CROCC: variants seen among roughly 807,000 people sequenced by gnomAD.
CROCC encodes ciliary rootlet coiled-coil, rootletin.
In CROCC, 180 loss-of-function variants were observed where a neutral mutation model predicts 245.2. That is an observed-to-expected ratio of 0.73 (90% CI 0.65 to 0.83). The LOEUF (loss-of-function observed/expected upper bound fraction) is 0.83, where lower values mean the gene tolerates loss of function less well. Ranked by LOEUF, CROCC falls within the 40% of genes least tolerant of loss-of-function variation. The pLI, the probability that CROCC is intolerant of heterozygous loss-of-function variation, is 0.00. For synonymous variants in CROCC, 1,205 were observed against 1,241.6 expected, an observed-to-expected ratio of 0.97 and a Z score of 0.62; for missense variants, 2,688 against 2,779.4, an observed-to-expected ratio of 0.97 and a Z score of 0.74.
At chr1:16,948,639 C>G (rs1284799643) in intron 18 of CROCC, 115 bp downstream of exon 18, 1 of 1,491,520 alleles carries the variant, frequency 6.7e-7, no homozygotes, top group Non-Finnish European at 8.9e-7. Context: ...TCTGGCTTGC[C>G]GACTCGTCCT....
upstream of CROCC, among the ~76,000 whole-genome samples, chr1:16,920,665 C>T (rs182880144): frequency 2.6e-3 from 400 of 152,216 alleles, 3 homozygotes; most frequent in African/African-American, 9.2e-3. Context: ...CACATAGCCT[C>T]CTTGCCCCAG....
intron 14 of CROCC, among the ~76,000 whole-genome samples, chr1:16,944,942 C>A (rs1212107780): frequency 6.6e-6 from 1 of 152,260 alleles, no homozygotes; most frequent in Non-Finnish European, 1.5e-5. Context: ...AGTTTGTATC[C>A]TTAAAACAGG....
chr1:16,931,265 C>T, intron 7 of CROCC, 26 bp from the exon 8 acceptor site: 2 of 1,592,342 alleles, frequency 1.3e-6, no homozygotes, highest in Non-Finnish European at 8.6e-7. Flanking sequence ...CACACCAACC[C>T]TTCCCTCGGC....
intron 13 of CROCC, 85 bp downstream of exon 13, chr1:16,940,178 C>T: frequency 4.3e-6 from 6 of 1,396,018 alleles, no homozygotes; most frequent in South Asian, 1.3e-5. Flanking sequence ...GCGTATGGCT[C>T]TGCACTAATA....
intron 26 of CROCC, 123 bp downstream of exon 26, chr1:16,958,873 T>C: frequency 8.2e-6 from 9 of 1,102,876 alleles, no homozygotes; most frequent in Non-Finnish European, 1.2e-5. Flanking sequence ...CCCCCACTCC[T>C]TGAGACTCTT....
Position 16,971,562 on chromosome 1 carries a change from TGCGCAGCGCCCAG to T in CROCC, c.5889_5901del (p.Ser1963ArgfsTer27), listed in dbSNP as rs1275720433. 2.6e-6 allele frequency: 4 copies of T among 1,536,350 alleles called. No individual in the cohort carries two copies. In the African/African-American group the frequency reaches 5.5e-5, roughly 21 times the overall value. On this transcript the variant is annotated frameshift_variant, in exon 36 of 37. Coordinates refer to ENST00000375541, the MANE Select transcript of CROCC (RefSeq NM_014675.5). LOFTEE classifies it high-confidence loss of function. ...GAGCTGCAGCAGGAGGTGGAGCGGC[TGCGCAGCGCCCAG>T]GCGCAGACTGAGCGCACCCTGGAGG...
At position 16,960,918 on chromosome 1, in the gene CROCC, C is replaced by G; in HGVS notation, c.4193C>G (p.Ala1398Gly). ...ELKLEAARAE[A>G]AELGLRLSAA... ...AAGCTGGAGGCGGCGCGGGCCGAGG[C>G]TGCAGAGCTGGGCCTGCGGCTGAGC... Residue 1398 changes from alanine to glycine, a missense_variant, in exon 27 of 37, where the codon GCT (alanine) becomes GGT (glycine). Transcript: ENST00000375541. 3.3e-6 allele frequency: 5 copies of G among 1,498,734 alleles called. No individual in the cohort carries two copies. Among genetic ancestry groups the G allele is most frequent in the Non-Finnish European group, 4.4e-6 (5 of 1,131,604 alleles). 92.8% of individuals were successfully genotyped at this position (1,498,734 alleles called of 1,614,324 possible). A position where few individuals can be genotyped will look rare whatever the true frequency, so the allele number is the denominator to read the frequency against.
At chr1:16,964,833 C>G (rs1249345854) in intron 27 of CROCC, among the ~76,000 whole-genome samples, 1 of 152,248 alleles carries the variant, frequency 6.6e-6, no homozygotes, top group Non-Finnish European at 1.5e-5. Context: ...CAGGTGCATG[C>G]CACCACGCCC....
intron 3 of CROCC, among the ~76,000 whole-genome samples, chr1:16,928,686 C>G (rs181688198): frequency 0.063 from 9,319 of 149,086 alleles, no homozygotes; most frequent in African/African-American, 0.067. Context: ...ACCTGTAGTC[C>G]CAGCTACTTG....
upstream of CROCC, among the ~76,000 whole-genome samples, chr1:16,917,118 AAAAAC>A (rs1170479545): frequency 3.3e-5 from 5 of 152,296 alleles, no homozygotes; most frequent in African/African-American, 1.2e-4. Flanking sequence ...ACTCCATCTC[AAAAAC>A]AAAACAAAAC....
chr1:16,932,256 C>T (rs1378876941), intron 8 of CROCC, among the ~76,000 whole-genome samples: 1 of 152,244 alleles, frequency 6.6e-6, no homozygotes, highest in Admixed American at 6.5e-5. Context: ...CCAGCCTCAA[C>T]ATGGAGAAAC....
intron 21 of CROCC, 52 bp downstream of exon 21, chr1:16,953,533 G>A: frequency 6.6e-7 from 1 of 1,508,754 alleles, no homozygotes; most frequent in Non-Finnish European, 8.9e-7. Flanking sequence ...CTCCAGTTCT[G>A]GGGCCGGGCC....
In CROCC at chr1:16,944,181, G is replaced by A. The variant is rs1355932535; in HGVS notation, c.1890G>A (p.Gln630=). Reference sequence around the variant, plus strand: ...TGCGGCAGGAGCGGGAGAAGCTGCAGGCTGCCCAGGAGGAGCTGCGGCGCC... The same window carrying A: ...TGCGGCAGGAGCGGGAGAAGCTGCAAGCTGCCCAGGAGGAGCTGCGGCGCC... ...EELRQEREKL[Q]AAQEELRRQR... is the part of the protein sequence containing the mutation. The change falls in exon 14 of 37, where the codon CAG becomes CAA. Residue 630 remains glutamine (Q), a synonymous_variant. Transcript: ENST00000375541. 6.4e-7 allele frequency: 1 copy of A among 1,555,432 alleles called. No homozygotes were observed. The highest frequency in any genetic ancestry group is 8.7e-7 in the Non-Finnish European group (1 of 1,149,500).
At chr1:16,959,618 G>GAC (rs1452086140) in intron 26 of CROCC, among the ~76,000 whole-genome samples, 1 of 152,262 alleles carries the variant, frequency 6.6e-6, no homozygotes, top group African/African-American at 2.4e-5. Context: ...GTGACCGTGA[G>GAC]AGGTTGACTC....
intron 21 of CROCC, chr1:16,953,747 C>T (rs1422341761): frequency 4.4e-5 from 18 of 411,212 alleles, no homozygotes; most frequent in African/African-American, 2.8e-4. Flanking sequence ...TCCCATGCCT[C>T]GTCCCACCCC....
rs371067334 is a variant in CROCC, at chr1:16,930,456, C to A, written c.711C>A (p.Ala237=). ...QRSASLAQVN[A]MLREQLDQAG... The stretch of plus-strand genomic sequence containing the variant: ...GTGCCAGCCTGGCCCAGGTGAATGC[C>A]ATGCTCCGAGAACAGCTGGACCAGG... The change falls in exon 7 of 37, where the codon GCC becomes GCA. Residue 237 remains alanine (A), a synonymous_variant. Coordinates refer to ENST00000375541, the MANE Select transcript of CROCC (RefSeq NM_014675.5). 367 of 1,612,076 alleles carry A rather than the reference C, an allele frequency of 2.3e-4. No homozygotes were observed. The highest frequency in any genetic ancestry group is 2.7e-4 in the Non-Finnish European group (323 of 1,179,800).
intron 28 of CROCC, 39 bp downstream of exon 28, chr1:16,965,931 G>A (rs1191464816): frequency 1.2e-6 from 2 of 1,602,166 alleles, no homozygotes; most frequent in Non-Finnish European, 1.7e-6. Flanking sequence ...GGAACCTGGA[G>A]GGCCCTGGGG....
At chr1:16,922,165 A>T in intron 1 of CROCC, 87 bp downstream of exon 1, 1 of 1,315,814 alleles carries the variant, frequency 7.6e-7, no homozygotes, top group Non-Finnish European at 1.0e-6. Flanking sequence ...CGTCTTGGGG[A>T]TCAAGGGGTG....
chr1:16,936,032 C>T (rs1251261269), intron 8 of CROCC, among the ~76,000 whole-genome samples: 2 of 151,492 alleles, frequency 1.3e-5, no homozygotes, highest in African/African-American at 4.9e-5. Flanking sequence ...CTGTTACCCC[C>T]AGAGCCCCTC....
Sources: gnomAD v4.1 joint callset for allele counts (sites outside exome capture counted in the v4.1 genomes callset) on GRCh38, gnomAD v4.1.1 for gene constraint, MANE v1.5 for transcripts, NCBI Gene and HGNC (gene_info 2026-07-23, HGNC 2026-07-21) for gene names.